NLRP8: variants seen among roughly 807,000 people sequenced by gnomAD.
NLRP8 encodes the protein NACHT, LRR and PYD domains-containing protein 8.
Under a neutral mutation model 88.7 loss-of-function variants are expected in NLRP8, and 86 were observed. The observed-to-expected ratio is 0.97, with a 90% CI of 0.81 to 1.16. The LOEUF is 1.16. Ranked by LOEUF, NLRP8 falls within the 50% of genes most tolerant of loss-of-function variation. NLRP8 has a pLI of 0.00. For synonymous variants in NLRP8, 504 were observed against 494.6 expected, an observed-to-expected ratio of 1.02 and a Z score of -0.25; for missense variants, 1,342 against 1,286.5, an observed-to-expected ratio of 1.04 and a Z score of -0.66.
rs1979299815 is a variant in NLRP8 at position 55,955,424 on chromosome 19, C to T, written c.1366C>T (p.His456Tyr). 1 of 1,614,172 alleles carries T rather than the reference C, an allele frequency of 6.2e-7. No individual in the cohort carries two copies. The highest frequency in any genetic ancestry group is 8.5e-7 in the Non-Finnish European group (1 of 1,180,040). Reference sequence around the variant, plus strand: ...CCAAGCACAACTGGAAGGTCTGTGTCACTTGGCCGCAGACAGCATGTGGCA... The same window carrying T: ...CCAAGCACAACTGGAAGGTCTGTGTTACTTGGCCGCAGACAGCATGTGGCA... The change falls in exon 3 of 10, where the codon CAC becomes TAC. Residue 456 changes from histidine to tyrosine, a missense_variant. His to Tyr is a moderately conservative substitution (Grantham distance 83). Coordinates refer to ENST00000291971, the MANE Select transcript of NLRP8 (RefSeq NM_176811.2).
chr19:55,952,401 G>A, intron 1 of NLRP8, 137 bp from the exon 2 acceptor site: 1 of 657,308 alleles, frequency 1.5e-6, no homozygotes, highest in Non-Finnish European at 2.8e-6. Context: ...TCTTCTCCCT[G>A]AACGGAGGTG....
chr19:55,971,826 C>T (rs306487), intron 6 of NLRP8, among the ~76,000 whole-genome samples: 109,209 of 152,000 alleles, frequency 0.72, 39,274 homozygotes, highest in East Asian at 0.82. Flanking sequence ...CCAAGTCTTA[C>T]TATTATCAGT....
At chr19:55,973,528 G>A in intron 6 of NLRP8, 124 bp from the exon 7 acceptor site, 1 of 780,808 alleles carries the variant, frequency 1.3e-6, no homozygotes, top group Non-Finnish European at 2.0e-6. Context: ...AGTCCTGAGT[G>A]GTGATGACAG....
Position 55,956,063 on chromosome 19 carries a change from G to A in NLRP8, c.2005G>A (p.Val669Met), listed in dbSNP as rs779989879. Residue 669 changes from valine to methionine, a missense_variant, in exon 3 of 10, where the codon GTG (valine) becomes ATG (methionine). Val to Met is a conservative substitution (Grantham distance 21). Coordinates refer to ENST00000291971, the MANE Select transcript of NLRP8 (RefSeq NM_176811.2). ...GACCGTCACCCTGAACTTCATGAAC[G>A]TGTGGAAGCTCAGCTCCAGCTCCCA... 5.9e-5 allele frequency: 95 copies of A among 1,613,870 alleles called. No homozygotes were observed. The highest frequency in any genetic ancestry group is 5.0e-4 in the Middle Eastern group (3 of 6,058).
intron 1 of NLRP8, among the ~76,000 whole-genome samples, chr19:55,949,486 C>T (rs1978996898): frequency 6.6e-6 from 1 of 152,132 alleles, no homozygotes. Flanking sequence ...GATTTGCCTG[C>T]CTCGGCCTCC....
At position 55,988,197 on chromosome 19, in the gene NLRP8, G is replaced by C. The variant is rs997689247; in HGVS notation, c.*284G>C. ...ACCTGAGGTCAGGAGTTCCAGACCA[G>C]CCTGGCCAACATGGTGAAACCCCGC... On this transcript the variant is annotated 3_prime_UTR_variant, in exon 10 of 10. Coordinates refer to ENST00000291971, the MANE Select transcript of NLRP8 (RefSeq NM_176811.2). 1 of 199,826 alleles carries C rather than the reference G, an allele frequency of 5.0e-6. No individual in the cohort carries two copies. Among genetic ancestry groups the C allele is most frequent in the Non-Finnish European group, 1.0e-5 (1 of 98,934 alleles). The allele number at this position is 199,826 out of a possible 1,614,324, so 12.4% of individuals were successfully genotyped here.
At chr19:55,948,379 C>G in intron 1 of NLRP8, 110 bp downstream of exon 1, 1 of 1,154,890 alleles carries the variant, frequency 8.7e-7, no homozygotes, top group Non-Finnish European at 1.2e-6. Context: ...AGAAAGCAAA[C>G]AGTGGAGGAA....
intron 5 of NLRP8, among the ~76,000 whole-genome samples, chr19:55,968,048 G>C (rs896149984): frequency 1.3e-5 from 2 of 152,192 alleles, no homozygotes; most frequent in Admixed American, 1.3e-4. Flanking sequence ...GGATACAGCT[G>C]TGTTCCAATA....
chr19:55,961,579 A>C (rs1309146626), intron 3 of NLRP8, among the ~76,000 whole-genome samples: 1 of 152,140 alleles, frequency 6.6e-6, no homozygotes, highest in Non-Finnish European at 1.5e-5. Flanking sequence ...AGGCAGGAGG[A>C]GCGCTTGAGC....
chr19:55,976,784 A>ATAAAGATGTATC (rs1301000966), intron 8 of NLRP8, among the ~76,000 whole-genome samples: 88 of 150,514 alleles, frequency 5.8e-4, no homozygotes, highest in Middle Eastern at 3.5e-3. Context: ...ATATATGTAT[A>ATAAAGATGTATC]TAAAGATACA....
At chr19:55,977,283 CAT>C (rs1568468502) in intron 8 of NLRP8, among the ~76,000 whole-genome samples, 3 of 144,248 alleles carry the variant, frequency 2.1e-5, no homozygotes, top group African/African-American at 7.6e-5. Flanking sequence ...TGTACAGACA[CAT>C]ATATACTTAT....
Position 55,970,633 on chromosome 19 carries a change from G to C in NLRP8, c.2471G>C (p.Arg824Thr). The C allele has an allele frequency of 6.2e-7, 1 of 1,614,060 alleles. No homozygotes were observed. The highest frequency in any genetic ancestry group is 8.5e-7 in the Non-Finnish European group (1 of 1,180,018). ...GGGCATCTAAAGACTCTCATACTAA[G>C]AAAAAACTCCCTGGAGAACTGTGGG... The change falls in exon 6 of 10, where the codon AGA becomes ACA. Residue 824 changes from arginine (R) to threonine (T), a missense_variant. Transcript: ENST00000291971.
chr19:55,953,154 T>C (rs1979171117), intron 2 of NLRP8, among the ~76,000 whole-genome samples: 1 of 152,038 alleles, frequency 6.6e-6, no homozygotes, highest in Admixed American at 6.6e-5. Context: ...CAGATTCTCA[T>C]AGGAGTGCAA....
chr19:55,965,638 T>A (rs1444428313), intron 4 of NLRP8, among the ~76,000 whole-genome samples: 1 of 147,242 alleles, frequency 6.8e-6, no homozygotes, highest in Non-Finnish European at 1.5e-5. Context: ...ATTCTGATCC[T>A]GTGAGTCATT....
chr19:55,970,498 A>T, intron 5 of NLRP8, 46 bp from the exon 6 acceptor site: 1 of 1,603,650 alleles, frequency 6.2e-7, no homozygotes, highest in Non-Finnish European at 8.5e-7. Context: ...TACAGGTACC[A>T]TTTTCCCCAG....
chr19:55,963,713 G>A (rs1979713780), intron 4 of NLRP8, among the ~76,000 whole-genome samples: 1 of 151,912 alleles, frequency 6.6e-6, no homozygotes, highest in Admixed American at 6.6e-5. Flanking sequence ...CCATTGCCCG[G>A]CTAATTTTTT....
chr19:55,984,077 C>G (rs1980692909), intron 9 of NLRP8, among the ~76,000 whole-genome samples: 1 of 151,874 alleles, frequency 6.6e-6, no homozygotes, highest in African/African-American at 2.4e-5. Context: ...AGGTCCTAGT[C>G]AGTGTAACAG....
At chr19:55,960,289 G>T (rs1024475461) in intron 3 of NLRP8, among the ~76,000 whole-genome samples, 1 of 152,140 alleles carries the variant, frequency 6.6e-6, no homozygotes, top group Non-Finnish European at 1.5e-5. Flanking sequence ...CAGGTAGAAT[G>T]AATTCTGTTC....
intron 3 of NLRP8, among the ~76,000 whole-genome samples, chr19:55,960,808 A>G (rs1046029351): frequency 2.6e-5 from 4 of 152,044 alleles, no homozygotes; most frequent in African/African-American, 9.7e-5. Flanking sequence ...TGCCATTTTC[A>G]ATGAAGTATT....
Sources: gnomAD v4.1 joint callset for allele counts (sites outside exome capture counted in the v4.1 genomes callset) on GRCh38, gnomAD v4.1.1 for gene constraint, MANE v1.5 for transcripts, NCBI Gene and HGNC (gene_info 2026-07-23, HGNC 2026-07-21) for gene names.